The following CTDSPL variants were observed in gnomAD, a reference collection of about 807,000 sequenced individuals.
CTDSPL encodes CTD small phosphatase-like protein.
A neutral mutation model predicts 30.5 loss-of-function variants in CTDSPL; 8 were observed. That is an observed-to-expected ratio of 0.26 (90% confidence interval 0.15 to 0.47). The LOEUF (loss-of-function observed/expected upper bound fraction) is 0.47, where lower values mean the gene tolerates loss of function less well. Ranked by LOEUF, CTDSPL falls within the 20% of genes least tolerant of loss-of-function variation. CTDSPL has a pLI of 0.99. For missense variants in CTDSPL, 248 were observed against 366.1 expected (o/e 0.68, Z 2.63); for synonymous variants, 110 against 137.9 (o/e 0.80, Z 1.42).
intron 1 of CTDSPL, among the ~76,000 whole-genome samples, chr3:37,939,639 G>A (rs955252958): frequency 7.3e-5 from 11 of 149,998 alleles, no homozygotes; most frequent in African/African-American, 2.4e-4. Flanking sequence ...GGCTTGCAAG[G>A]CCCTTGCTGT....
At chr3:37,892,961 G>A (rs1042434017) in intron 1 of CTDSPL, among the ~76,000 whole-genome samples, 1 of 152,208 alleles carries the variant, frequency 6.6e-6, no homozygotes, top group Non-Finnish European at 1.5e-5. Flanking sequence ...TGAACATGCA[G>A]GATGAAGTTT....
At chr3:37,877,787 C>T (rs868266456) in intron 1 of CTDSPL, among the ~76,000 whole-genome samples, 2 of 152,104 alleles carry the variant, frequency 1.3e-5, no homozygotes, top group Admixed American at 6.6e-5. Flanking sequence ...ATAGTCGTGG[C>T]AGAAGGCAAA....
chr3:37,952,714 A>G (rs536492773), intron 2 of CTDSPL, among the ~76,000 whole-genome samples: 36 of 152,252 alleles, frequency 2.4e-4, no homozygotes, highest in Non-Finnish European at 4.9e-4. Flanking sequence ...TCACATGGCT[A>G]TCCAATAGCA....
chr3:37,927,684 GTATATATA>G (rs71094933), intron 1 of CTDSPL, among the ~76,000 whole-genome samples: 4 of 117,762 alleles, frequency 3.4e-5, no homozygotes, highest in African/African-American at 1.4e-4. Flanking sequence ...GTGTGTATGT[GTATATATA>G]TATATATATA....
intron 2 of CTDSPL, among the ~76,000 whole-genome samples, chr3:37,952,644 G>C (rs1699123408): frequency 6.6e-6 from 1 of 152,222 alleles, no homozygotes; most frequent in Admixed American, 6.5e-5. Context: ...CTGATGACAG[G>C]TATATTCTTG....
In CTDSPL at chr3:37,979,015, T is replaced by A. The variant is rs1024863749; in HGVS notation, c.706-1727T>A. On this transcript the variant is annotated intron_variant, in intron 7 of 7. Transcript: ENST00000273179. ...TTTCTCTTATGCTGCAACTCTTGAT[T>A]TCTAAAGATATTAACATAATTATAT... is the stretch of plus-strand genomic sequence containing the variant. Among the ~76,000 whole-genome samples the A allele has an allele frequency of 2.0e-5, 3 of 152,254 alleles. No homozygotes were observed. In the South Asian group the frequency reaches 6.2e-4, roughly 31 times the overall value.
chr3:37,940,809 A>G (rs1390166474), intron 1 of CTDSPL, among the ~76,000 whole-genome samples: 2 of 150,338 alleles, frequency 1.3e-5, no homozygotes, highest in Non-Finnish European at 3.0e-5. Context: ...GGATTCTGGC[A>G]GGCAAAAAAT....
intron 1 of CTDSPL, among the ~76,000 whole-genome samples, chr3:37,923,486 G>A (rs914988574): frequency 7.2e-5 from 11 of 152,186 alleles, no homozygotes; most frequent in Admixed American, 4.6e-4. Context: ...TCCCCAGCGT[G>A]TGGTGTCTAT....
chr3:37,980,023 T>G (rs1699472439), intron 7 of CTDSPL, among the ~76,000 whole-genome samples: 1 of 152,214 alleles, frequency 6.6e-6, no homozygotes, highest in Non-Finnish European at 1.5e-5. Flanking sequence ...AGTTACGTAA[T>G]AAATGTCTAT....
intron 1 of CTDSPL, among the ~76,000 whole-genome samples, chr3:37,903,810 AG>A (rs749944050): frequency 6.6e-6 from 1 of 152,206 alleles, no homozygotes; most frequent in Non-Finnish European, 1.5e-5. Flanking sequence ...TCCCCAGAGA[AG>A]CTACAATGGG....
intron 1 of CTDSPL, among the ~76,000 whole-genome samples, chr3:37,917,168 G>A (rs1698658798): frequency 6.6e-6 from 1 of 152,148 alleles, no homozygotes; most frequent in African/African-American, 2.4e-5. Flanking sequence ...GAGCACTGAC[G>A]TCCTACACCT....
chr3:37,970,197 C>A (rs1253380612), intron 5 of CTDSPL, among the ~76,000 whole-genome samples: 1 of 152,202 alleles, frequency 6.6e-6, no homozygotes, highest in Non-Finnish European at 1.5e-5. Context: ...AAGCCCACTT[C>A]TTCTCAACCT....
chr3:37,969,993 A>T (rs1048708774), intron 5 of CTDSPL, among the ~76,000 whole-genome samples: 1 of 152,064 alleles, frequency 6.6e-6, no homozygotes, highest in Non-Finnish European at 1.5e-5. Context: ...CACCTGCTCC[A>T]TCTGCCATTC....
chr3:37,954,158 G>A (rs936354966), intron 2 of CTDSPL, among the ~76,000 whole-genome samples: 7 of 152,208 alleles, frequency 4.6e-5, no homozygotes, highest in African/African-American at 1.4e-4. Flanking sequence ...AGCCCTGGAA[G>A]CTTTCCTGGA....
At chr3:37,928,504 A>G (rs1317595884) in intron 1 of CTDSPL, among the ~76,000 whole-genome samples, 1 of 152,146 alleles carries the variant, frequency 6.6e-6, no homozygotes, top group Middle Eastern at 3.2e-3. Context: ...ACCTTCTTAT[A>G]TACCTGTTGA....
intron 1 of CTDSPL, among the ~76,000 whole-genome samples, chr3:37,864,605 A>G (rs1697987879): frequency 6.6e-6 from 1 of 152,170 alleles, no homozygotes; most frequent in Non-Finnish European, 1.5e-5. Context: ...ATAATGTCGC[A>G]ATAAACTCTA....
intron 2 of CTDSPL, among the ~76,000 whole-genome samples, chr3:37,951,911 A>G (rs528810135): frequency 4.1e-4 from 62 of 152,368 alleles, no homozygotes; most frequent in African/African-American, 1.5e-3. Flanking sequence ...GATGAACTAG[A>G]TTCTTCCAAC....
In CTDSPL at chr3:37,941,587, G is replaced by A. The variant is rs113982285; in HGVS notation, c.80-5470G>A. On this transcript the variant is annotated intron_variant, in intron 1 of 7. Coordinates refer to ENST00000273179, the MANE Select transcript of CTDSPL (RefSeq NM_001008392.2). Reference sequence around the variant, plus strand: ...GTATTCTTAGTAGAAACAGGGTTTCGCCATGTTGTCCAGGCTGGTCTCAAA... The same window carrying A: ...GTATTCTTAGTAGAAACAGGGTTTCACCATGTTGTCCAGGCTGGTCTCAAA... 8.9e-4 allele frequency among the ~76,000 whole-genome samples: 133 copies of A among 149,738 alleles called. 2 individuals carry two copies. The highest frequency in any genetic ancestry group is 3.0e-3 in the African/African-American group (124 of 41,274).
intron 1 of CTDSPL, among the ~76,000 whole-genome samples, chr3:37,905,924 G>A (rs1698509886): frequency 6.6e-6 from 1 of 152,232 alleles, no homozygotes; most frequent in Non-Finnish European, 1.5e-5. Context: ...ATGAAGAGGA[G>A]AGAAGAGTAT....
Sources: allele counts gnomAD v4.1 joint callset (sites outside exome capture counted in the v4.1 genomes callset), GRCh38; gene constraint gnomAD v4.1.1; transcripts MANE v1.5; gene names NCBI Gene and HGNC (gene_info 2026-07-23, HGNC 2026-07-21).